The following GATB variants were observed in gnomAD, a reference collection of about 807,000 sequenced individuals.
The protein encoded by GATB is glutamyl-tRNA amidotransferase subunit B.
A neutral mutation model predicts 62.3 loss-of-function variants in GATB; 39 were observed. The ratio of observed to expected loss-of-function variants is 0.63; its 90% CI spans 0.48 to 0.82. The LOEUF (loss-of-function observed/expected upper bound fraction) is 0.82. Ranked by LOEUF, GATB falls within the 40% of genes least tolerant of loss-of-function variation. GATB has a pLI of 0.00. For missense variants in GATB, 670 were observed against 684.0 expected (o/e 0.98, Z 0.23); for synonymous variants, 276 against 258.9 (o/e 1.07, Z -0.63).
At chr4:151,697,179 G>C (rs1441000700) in intron 9 of GATB, among the ~76,000 whole-genome samples, 3 of 152,158 alleles carry the variant, frequency 2.0e-5, no homozygotes, top group Non-Finnish European at 4.4e-5. Context: ...ATACCTGCAA[G>C]CGAATGTTTA....
At chr4:151,692,232 T>C (rs1738380605) in intron 9 of GATB, among the ~76,000 whole-genome samples, 1 of 152,156 alleles carries the variant, frequency 6.6e-6, no homozygotes. Context: ...AAGAGAGCAC[T>C]AGAACTAGGA....
chr4:151,711,654 C>T (rs1165774841), intron 5 of GATB, among the ~76,000 whole-genome samples: 3 of 152,178 alleles, frequency 2.0e-5, no homozygotes, highest in Non-Finnish European at 2.9e-5. Flanking sequence ...GCATGGCACC[C>T]CATTTATTTC....
chr4:151,692,718 A>C (rs1183687144), intron 9 of GATB, among the ~76,000 whole-genome samples: 1 of 152,194 alleles, frequency 6.6e-6, no homozygotes, highest in African/African-American at 2.4e-5. Flanking sequence ...CTGCTGCCCC[A>C]GAAAAGGTCC....
At chr4:151,722,135 T>C in intron 2 of GATB, 1 of 694,814 alleles carries the variant, frequency 1.4e-6, no homozygotes, top group Non-Finnish European at 2.6e-6. Flanking sequence ...GTCAAGCTGC[T>C]TGTGACAGAT....
intron 5 of GATB, among the ~76,000 whole-genome samples, chr4:151,708,409 T>C (rs1738757059): frequency 6.6e-6 from 1 of 152,350 alleles, no homozygotes; most frequent in East Asian, 1.9e-4. Context: ...CTAATTTTTT[T>C]GTGCTAAACA....
intron 2 of GATB, among the ~76,000 whole-genome samples, chr4:151,733,702 C>T (rs1269466155): frequency 1.3e-5 from 2 of 152,110 alleles, no homozygotes; most frequent in Non-Finnish European, 2.9e-5. Flanking sequence ...AAAATCCTTA[C>T]AAAATACTAG....
chr4:151,732,502 A>C (rs1216104138), intron 2 of GATB, among the ~76,000 whole-genome samples: 1 of 152,014 alleles, frequency 6.6e-6, no homozygotes, highest in Non-Finnish European at 1.5e-5. Flanking sequence ...GCTTTGTTAA[A>C]CAGATGCTTG....
At chr4:151,685,673 C>A (rs553801701) in intron 10 of GATB, among the ~76,000 whole-genome samples, 1 of 152,336 alleles carries the variant, frequency 6.6e-6, no homozygotes, top group South Asian at 2.1e-4. Flanking sequence ...TTCAGCACGG[C>A]TCCTGCCTCC....
intron 9 of GATB, among the ~76,000 whole-genome samples, chr4:151,696,323 C>G (rs1431628289): frequency 6.6e-6 from 1 of 152,144 alleles, no homozygotes; most frequent in South Asian, 2.1e-4. Context: ...GTGGTAAAAA[C>G]TTTTAAATGA....
chr4:151,692,338 C>T (rs557708221), intron 9 of GATB, among the ~76,000 whole-genome samples: 1 of 152,340 alleles, frequency 6.6e-6, no homozygotes, highest in Non-Finnish European at 1.5e-5. Flanking sequence ...CGAAACTGAG[C>T]ACCTAGGAGT....
intron 2 of GATB, among the ~76,000 whole-genome samples, chr4:151,741,611 A>C (rs1739489228): frequency 6.6e-6 from 1 of 152,224 alleles, no homozygotes. Flanking sequence ...CAAGCTCCTA[A>C]GAAACACTGC....
rs745631757 is a variant in GATB at position 151,717,016 on chromosome 4, T to C, written c.500A>G (p.Tyr167Cys). The C allele has an allele frequency of 6.2e-7, 1 of 1,614,010 alleles. No individual in the cohort carries two copies. Among genetic ancestry groups the C allele is most frequent in the Non-Finnish European group, 8.5e-7 (1 of 1,180,036 alleles). Reference sequence around the variant, plus strand: ...CTGCTTCTTCCCTGCACAGACGCCATATATCAAGCTCCCATTCACAGCAAT... The same window carrying C: ...CTGCTTCTTCCCTGCACAGACGCCACATATCAAGCTCCCATTCACAGCAAT... The part of the protein sequence containing the change: ...LPIAVNGSLI[Y>C]GVCAGKKQSQ... The change falls in exon 4 of 13, where the codon TAT becomes TGT. Residue 167 changes from tyrosine to cysteine, a missense_variant. Tyr to Cys is a radical substitution (Grantham distance 194). Transcript: ENST00000263985.
chr4:151,716,757 A>G (rs949822954), intron 4 of GATB, 119 bp downstream of exon 4: 22 of 856,612 alleles, frequency 2.6e-5, no homozygotes, highest in Non-Finnish European at 3.5e-5. Flanking sequence ...GTCTCCATCT[A>G]TCAGGCTCCT....
At chr4:151,755,502 T>A (rs1234778435) in intron 2 of GATB, among the ~76,000 whole-genome samples, 2 of 152,216 alleles carry the variant, frequency 1.3e-5, no homozygotes, top group African/African-American at 4.8e-5. Context: ...CTAAAAGAAT[T>A]ACTACGTCAA....
Position 151,732,022 on chromosome 4 carries a change from C to T in GATB, c.328-12484G>A, listed in dbSNP as rs1372496175. 6.9e-5 allele frequency among the ~76,000 whole-genome samples: 9 copies of T among 130,436 alleles called. No homozygotes were observed. In the East Asian group the frequency reaches 1.6e-3, roughly 23 times the overall value. 85.6% of individuals were successfully genotyped at this position (130,436 alleles called of 152,430 possible). ...GGGAGGGAGGTGGGGGGTCAGCCCC[C>T]GCCCGGCCAGCCGCCCCGTCCGGGA... On this transcript the variant is annotated intron_variant, in intron 2 of 12. Coordinates refer to ENST00000263985, the MANE Select transcript of GATB (RefSeq NM_004564.3).
chr4:151,726,532 G>A (rs1438696101), intron 2 of GATB, among the ~76,000 whole-genome samples: 1 of 152,182 alleles, frequency 6.6e-6, no homozygotes, highest in African/African-American at 2.4e-5. Flanking sequence ...TTAAGCACAG[G>A]CATTGCCTAG....
intron 9 of GATB, among the ~76,000 whole-genome samples, chr4:151,695,212 C>T (rs777146221): frequency 2.0e-5 from 3 of 152,250 alleles, no homozygotes; most frequent in South Asian, 2.1e-4. Context: ...TTCTCCCTGG[C>T]GACATATTCT....
At position 151,716,016 on chromosome 4, in the gene GATB, G is replaced by T. The variant is rs764723952; in HGVS notation, c.756C>A (p.Asn252Lys). The change falls in exon 5 of 13, where the codon AAC (asparagine) becomes AAA (lysine). Residue 252 changes from asparagine to lysine, a missense_variant. By Grantham distance (94) the Asn-to-Lys change is moderately conservative. Coordinates refer to ENST00000263985, the MANE Select transcript of GATB (RefSeq NM_004564.3). ...TGCTTCTGTGGCTTCTACCTGCCAT[G>T]TTCGCCTGGCTGGTCCCCAGGGCTT... is the stretch of plus-strand genomic sequence containing the variant. ...ILQALGTSQANMAEGQLRVDA... is the reference protein window; with the variant it reads ...ILQALGTSQAKMAEGQLRVDA... The T allele has an allele frequency of 2.5e-6, 4 of 1,613,818 alleles. No individual in the cohort carries two copies. Among genetic ancestry groups the T allele is most frequent in the Middle Eastern group, 1.7e-4 (1 of 6,052 alleles).
chr4:151,682,232 A>G (rs1227309830), intron 10 of GATB, among the ~76,000 whole-genome samples: 1 of 152,110 alleles, frequency 6.6e-6, no homozygotes, highest in Non-Finnish European at 1.5e-5. Context: ...AGGTCATCAT[A>G]TTTGTGTCAC....
Sources: allele counts gnomAD v4.1 joint callset (sites outside exome capture counted in the v4.1 genomes callset), GRCh38; gene constraint gnomAD v4.1.1; transcripts MANE v1.5; gene names NCBI Gene and HGNC (gene_info 2026-07-23, HGNC 2026-07-21).